The following DCT variants were observed in gnomAD, a reference collection of about 807,000 sequenced individuals.
DCT encodes the protein L-dopachrome tautomerase.
A neutral mutation model predicts 53.0 loss-of-function variants in DCT; 47 were observed. The ratio of observed to expected loss-of-function variants is 0.89; its 90% CI spans 0.70 to 1.13. DCT has a LOEUF of 1.13. Among genes scored for constraint, DCT ranks in the 50% most tolerant of loss-of-function variants. The pLI is 0.00. For synonymous variants in DCT, 244 were observed against 237.0 expected, an observed-to-expected ratio of 1.03 and a Z score of -0.27; for missense variants, 669 against 637.4, an observed-to-expected ratio of 1.05 and a Z score of -0.53.
chr13:94,472,705 C>G (rs1035336325), intron 1 of DCT, among the ~76,000 whole-genome samples: 1 of 148,184 alleles, frequency 6.7e-6, no homozygotes, highest in Non-Finnish European at 1.5e-5. Context: ...CCTCAGCCTC[C>G]CTAGTAGCTG....
intron 7 of DCT, among the ~76,000 whole-genome samples, chr13:94,440,675 G>GTT (rs1882228183): frequency 1.4e-4 from 12 of 86,732 alleles, no homozygotes; most frequent in African/African-American, 5.0e-4. Flanking sequence ...TTCATTTTTT[G>GTT]GTTTTTTTTT....
the DCT span, among the ~76,000 whole-genome samples, chr13:94,489,838 A>G: frequency 6.6e-6 from 1 of 152,164 alleles, no homozygotes; most frequent in Admixed American, 6.5e-5. Context: ...TTTTTTCTGG[A>G]AACTAAATAA....
chr13:94,487,525 C>T, the DCT span, among the ~76,000 whole-genome samples: 1 of 152,152 alleles, frequency 6.6e-6, no homozygotes, highest in African/African-American at 2.4e-5. Context: ...CCTATGCCTT[C>T]CTGTGCCAGT....
the DCT span, among the ~76,000 whole-genome samples, chr13:94,530,839 G>T: frequency 2.6e-4 from 39 of 152,174 alleles, no homozygotes; most frequent in Admixed American, 2.6e-3. Flanking sequence ...AGGAAAAAAG[G>T]AAGTCAAATT....
upstream of DCT, among the ~76,000 whole-genome samples, chr13:94,482,916 C>G (rs1362542305): frequency 2.6e-5 from 4 of 152,176 alleles, no homozygotes; most frequent in African/African-American, 9.7e-5. Context: ...CAAAATATCA[C>G]TAGTGAGGAG....
At chr13:94,481,778 T>C (rs1885455074), upstream of DCT, among the ~76,000 whole-genome samples, 1 of 152,214 alleles carries the variant, frequency 6.6e-6, no homozygotes. Context: ...CTCACCCAAG[T>C]TGAGAACTTT....
chr13:94,487,483 A>G, the DCT span, among the ~76,000 whole-genome samples: 1 of 152,356 alleles, frequency 6.6e-6, no homozygotes, highest in East Asian at 1.9e-4. Context: ...GATGCAGGGC[A>G]GACATGCATA....
the DCT span, among the ~76,000 whole-genome samples, chr13:94,486,746 A>G: frequency 6.6e-6 from 1 of 152,184 alleles, no homozygotes; most frequent in Non-Finnish European, 1.5e-5. Context: ...TGAAGCTTGG[A>G]GCCAAATTTG....
In DCT at chr13:94,479,078, G is replaced by T. The variant is rs777048597; in HGVS notation, c.178C>A (p.Gln60Lys). The stretch of plus-strand genomic sequence containing the variant: ...GTGTCGGCTCGCACCTCTGTGCACT[G>T]CCCCCGGCCTTGCTGAGAGCCACAG... The part of the protein sequence containing the change: ...NVCGSQQGRG[Q>K]CTEVRADTRP... The change falls in exon 1 of 8, where the codon CAG becomes AAG. Residue 60 changes from glutamine to lysine, a missense_variant. Transcript: ENST00000377028. 1.2e-6 allele frequency: 2 copies of T among 1,614,228 alleles called. No individual in the cohort carries two copies. Among genetic ancestry groups the T allele is most frequent in the South Asian group, 2.2e-5 (2 of 91,086 alleles).
the DCT span, among the ~76,000 whole-genome samples, chr13:94,516,650 A>C: frequency 7.2e-5 from 11 of 152,258 alleles, no homozygotes; most frequent in African/African-American, 2.4e-4. Context: ...TTTATGAATG[A>C]ATGGATTCAT....
the DCT span, among the ~76,000 whole-genome samples, chr13:94,504,149 G>T: frequency 6.6e-6 from 1 of 152,208 alleles, no homozygotes; most frequent in Non-Finnish European, 1.5e-5. Flanking sequence ...TATAGACTGT[G>T]ATTCTTGTGT....
chr13:94,510,290 G>C, the DCT span, among the ~76,000 whole-genome samples: 12 of 152,216 alleles, frequency 7.9e-5, no homozygotes, highest in South Asian at 2.5e-3. Flanking sequence ...CATGGGTATC[G>C]GGATATTTAA....
At chr13:94,489,845 ATAAG>A in the DCT span, among the ~76,000 whole-genome samples, 4 of 152,308 alleles carry the variant, frequency 2.6e-5, no homozygotes, top group Middle Eastern at 3.4e-3. Flanking sequence ...TGGAAACTAA[ATAAG>A]TATTTATAAC....
At chr13:94,460,364 A>C (rs1883703605) in intron 5 of DCT, 138 bp from the exon 6 acceptor site, 1 of 731,332 alleles carries the variant, frequency 1.4e-6, no homozygotes, top group Non-Finnish European at 2.2e-6. Context: ...CAAATTGACC[A>C]AGAATTTGCC....
chr13:94,547,984 A>AAATATAT, the DCT span, among the ~76,000 whole-genome samples: 83 of 65,844 alleles, frequency 1.3e-3, 4 homozygotes, highest in African/African-American at 7.5e-3. Context: ...AAAAAAAAAA[A>AAATATAT]ATATATATAT....
At chr13:94,462,824 G>C (rs956676794) in intron 4 of DCT, among the ~76,000 whole-genome samples, 1 of 152,218 alleles carries the variant, frequency 6.6e-6, no homozygotes, top group Non-Finnish European at 1.5e-5. Context: ...AGTAACTGAA[G>C]GGAGAATAGG....
the DCT span, among the ~76,000 whole-genome samples, chr13:94,525,103 C>A: frequency 8.0e-6 from 1 of 125,618 alleles, no homozygotes; most frequent in African/African-American, 3.3e-5. Context: ...TGAAGTGATA[C>A]CTTCTTTTTT....
rs1031217676 is a variant in DCT at position 94,442,532 on chromosome 13, T to C, written c.1381+904A>G. ...TATGTTGCCAGGCTCCTAACATTCT[T>C]TAAATGGTGTGTGGAGCCATATTGG... On this transcript the variant is annotated intron_variant, in intron 7 of 7. Transcript: ENST00000377028. 1.3e-5 allele frequency among the ~76,000 whole-genome samples: 2 copies of C among 152,170 alleles called. 1 individual carries two copies. Among genetic ancestry groups the C allele is most frequent in the East Asian group, 3.9e-4 (2 of 5,194 alleles).
At chr13:94,477,085 A>G (rs1419715516) in intron 1 of DCT, among the ~76,000 whole-genome samples, 1 of 152,146 alleles carries the variant, frequency 6.6e-6, no homozygotes, top group Non-Finnish European at 1.5e-5. Flanking sequence ...TTATAAAGCC[A>G]GAACTATTTA....
Sources: allele counts gnomAD v4.1 joint callset (sites outside exome capture counted in the v4.1 genomes callset), GRCh38; gene constraint gnomAD v4.1.1; transcripts MANE v1.5; gene names NCBI Gene and HGNC (gene_info 2026-07-23, HGNC 2026-07-21).